GRM5: variants seen among roughly 807,000 people sequenced by gnomAD.
GRM5 encodes glutamate metabotropic receptor 5, also known as metabotropic glutamate receptor 5.
In GRM5, 19 loss-of-function variants were observed where a neutral mutation model predicts 83.1. The ratio of observed to expected loss-of-function variants is 0.23; its 90% CI spans 0.16 to 0.34. The LOEUF is 0.34. Ranked by LOEUF, GRM5 falls within the 10% of genes least tolerant of loss-of-function variation. The pLI is 1.00. For synonymous variants in GRM5, 675 were observed against 633.6 expected (o/e 1.07, Z -0.98); for missense variants, 1,160 against 1,588.3 (o/e 0.73, Z 4.58).
At chr11:88,890,560 T>G (rs1945127210) in intron 2 of GRM5, among the ~76,000 whole-genome samples, 1 of 152,218 alleles carries the variant, frequency 6.6e-6, no homozygotes, top group African/African-American at 2.4e-5. Flanking sequence ...GACTTTAATT[T>G]TTAAGAAATA....
chr11:88,677,237 T>A (rs549632114), intron 3 of GRM5, among the ~76,000 whole-genome samples: 1 of 152,128 alleles, frequency 6.6e-6, no homozygotes. Flanking sequence ...ACTTTTAATA[T>A]AATGGGTAAT....
chr11:88,906,631 G>A (rs1194323078), intron 2 of GRM5, among the ~76,000 whole-genome samples: 1 of 152,168 alleles, frequency 6.6e-6, no homozygotes, highest in Non-Finnish European at 1.5e-5. Flanking sequence ...AATTCTCTGT[G>A]TCAGAAATAA....
intron 9 of GRM5, 75 bp downstream of exon 9, chr11:88,525,234 A>C (rs1161272006): frequency 1.1e-5 from 9 of 853,064 alleles, no homozygotes; most frequent in Non-Finnish European, 2.0e-6. Flanking sequence ...GAGGACCCAG[A>C]CCAGGGAGCC....
chr11:88,531,657 G>A (rs566711538), intron 8 of GRM5, among the ~76,000 whole-genome samples: 1 of 152,200 alleles, frequency 6.6e-6, no homozygotes, highest in African/African-American at 2.4e-5. Context: ...TGGAGAAAGA[G>A]CCTAAGTTTC....
chr11:88,748,706 A>T (rs1405150543), intron 3 of GRM5, among the ~76,000 whole-genome samples: 1 of 152,102 alleles, frequency 6.6e-6, no homozygotes, highest in Non-Finnish European at 1.5e-5. Flanking sequence ...GCAACAGGTC[A>T]GTACCCCCCC....
intron 1 of GRM5, among the ~76,000 whole-genome samples, chr11:89,062,245 TAAAGA>T (rs1942011493): frequency 6.6e-6 from 1 of 152,196 alleles, no homozygotes; most frequent in African/African-American, 2.4e-5. Context: ...CTGCACTCCA[TAAAGA>T]AAACAGCATA....
intron 7 of GRM5, among the ~76,000 whole-genome samples, chr11:88,577,981 TGA>T (rs1434073328): frequency 5.9e-5 from 9 of 152,076 alleles, no homozygotes; most frequent in Non-Finnish European, 1.2e-4. Context: ...AATTATGAAG[TGA>T]GAGAAAGTGG....
chr11:89,061,740 A>G (rs985259783), intron 1 of GRM5, among the ~76,000 whole-genome samples: 5 of 152,190 alleles, frequency 3.3e-5, no homozygotes, highest in African/African-American at 4.8e-5. Flanking sequence ...GAAAAGTGAA[A>G]AACTTGGATT....
At position 88,950,351 on chromosome 11, in the gene GRM5, A is replaced by AGTGTGTGTGTGT. The variant is rs55646353; in HGVS notation, c.661+96849_661+96860dup. Reference sequence around the variant, plus strand: ...CCTATTAAGAGATATTTGTGAGATAAGTGTGTGTGTGTGTGTGTGTGTGTG... The same window carrying AGTGTGTGTGTGT: ...CCTATTAAGAGATATTTGTGAGATAAGTGTGTGTGTGTGTGTGTGTGTGTGTGTGTGTGTGTG... On this transcript the variant is annotated intron_variant, in intron 2 of 9. Transcript: ENST00000305447. 4.7e-5 allele frequency among the ~76,000 whole-genome samples: 7 copies of AGTGTGTGTGTGT among 147,494 alleles called. No homozygotes were observed. The East Asian group carries it at 6.0e-4, about 13-fold the overall frequency.
chr11:88,642,830 G>C (rs550185389), intron 4 of GRM5, among the ~76,000 whole-genome samples: 4 of 152,218 alleles, frequency 2.6e-5, no homozygotes, highest in Admixed American at 2.6e-4. Context: ...TTATCCGCCT[G>C]AATTTCACTG....
intron 3 of GRM5, among the ~76,000 whole-genome samples, chr11:88,768,187 AC>A (rs1942660633): frequency 6.6e-6 from 1 of 152,004 alleles, no homozygotes; most frequent in Non-Finnish European, 1.5e-5. Context: ...TGTGAAAGCA[AC>A]CCCAGTGCCC....
At chr11:88,853,214 C>T (rs906273029) in intron 2 of GRM5, among the ~76,000 whole-genome samples, 3 of 152,064 alleles carry the variant, frequency 2.0e-5, no homozygotes, top group Non-Finnish European at 2.9e-5. Flanking sequence ...ACAGGTATAA[C>T]GATGCAAATG....
intron 3 of GRM5, among the ~76,000 whole-genome samples, chr11:88,780,014 C>T (rs1208525359): frequency 6.6e-6 from 1 of 152,160 alleles, no homozygotes; most frequent in South Asian, 2.1e-4. Context: ...GGAATGTTCT[C>T]CCCATGCCCT....
chr11:88,964,652 G>A (rs1484605045), intron 2 of GRM5, among the ~76,000 whole-genome samples: 1 of 152,038 alleles, frequency 6.6e-6, no homozygotes, highest in Non-Finnish European at 1.5e-5. Flanking sequence ...AGAACAAAAA[G>A]CACAATACAT....
intron 3 of GRM5, among the ~76,000 whole-genome samples, chr11:88,668,210 T>TCA (rs1554990663): frequency 2.0e-5 from 1 of 49,154 alleles, no homozygotes; most frequent in Admixed American, 1.7e-4. Flanking sequence ...CTGCAGAAAC[T>TCA]CGCACACACA....
chr11:88,905,774 C>G (rs1408789258), intron 2 of GRM5, among the ~76,000 whole-genome samples: 1 of 152,080 alleles, frequency 6.6e-6, no homozygotes. Flanking sequence ...TTCTGAGTCT[C>G]CTACTAAATG....
intron 2 of GRM5, among the ~76,000 whole-genome samples, chr11:88,914,065 C>T (rs139212469): frequency 1.3e-5 from 2 of 152,278 alleles, no homozygotes; most frequent in African/African-American, 4.8e-5. Flanking sequence ...CTTGCCAATG[C>T]TCTGATAAAT....
intron 7 of GRM5, among the ~76,000 whole-genome samples, chr11:88,578,112 T>C (rs1273255125): frequency 3.3e-5 from 5 of 152,098 alleles, no homozygotes; most frequent in African/African-American, 1.2e-4. Flanking sequence ...TCTAGCTTGT[T>C]TAGGTATGTG....
chr11:88,836,281 T>C (rs1944094511), intron 3 of GRM5, among the ~76,000 whole-genome samples: 2 of 152,226 alleles, frequency 1.3e-5, no homozygotes, highest in African/African-American at 2.4e-5. Context: ...ATAGACATTA[T>C]GTCAATGAAT....
Sources: allele counts gnomAD v4.1 joint callset (sites outside exome capture counted in the v4.1 genomes callset), GRCh38; gene constraint gnomAD v4.1.1; transcripts MANE v1.5; gene names NCBI Gene and HGNC (gene_info 2026-07-23, HGNC 2026-07-21).